ERBB4: variants seen among roughly 807,000 people sequenced by gnomAD.
ERBB4 encodes the protein receptor tyrosine-protein kinase erbB-4.
A neutral mutation model predicts 158.0 loss-of-function variants in ERBB4; 42 were observed. The observed-to-expected ratio is 0.27, with a 90% CI of 0.21 to 0.34. ERBB4 has a LOEUF of 0.34. Ranked by LOEUF, ERBB4 falls within the 10% of genes least tolerant of loss-of-function variation. ERBB4 has a pLI of 1.00. For synonymous variants in ERBB4, 583 were observed against 558.7 expected (o/e 1.04, Z -0.61); for missense variants, 1,333 against 1,624.1 (o/e 0.82, Z 3.08).
At chr2:212,069,592 T>G (rs943500370) in intron 2 of ERBB4, among the ~76,000 whole-genome samples, 7 of 152,040 alleles carry the variant, frequency 4.6e-5, no homozygotes, top group Admixed American at 3.9e-4. Context: ...TTAAAAGGTG[T>G]TCGGTTTAAA....
intron 1 of ERBB4, among the ~76,000 whole-genome samples, chr2:212,314,234 T>G (rs1251532559): frequency 6.6e-6 from 1 of 151,150 alleles, no homozygotes; most frequent in Non-Finnish European, 1.5e-5. Flanking sequence ...GTTTTTAAGT[T>G]TGTATGAGTA....
intron 20 of ERBB4, among the ~76,000 whole-genome samples, chr2:211,511,028 AAAC>A (rs1286873563): frequency 6.6e-6 from 1 of 152,028 alleles, no homozygotes; most frequent in Non-Finnish European, 1.5e-5. Context: ...GATTATGAAA[AAAC>A]AACAACCAAA....
chr2:212,019,758 T>TAAAA (rs368132533), intron 2 of ERBB4, among the ~76,000 whole-genome samples: 43 of 106,254 alleles, frequency 4.0e-4, no homozygotes, highest in Non-Finnish European at 6.1e-4. Flanking sequence ...CAACATTCTG[T>TAAAA]AAAAAAAAAA....
chr2:212,071,476 T>C (rs1575595638), intron 2 of ERBB4, among the ~76,000 whole-genome samples: 2 of 152,072 alleles, frequency 1.3e-5, no homozygotes, highest in East Asian at 3.9e-4. Flanking sequence ...CCTAAGGTTT[T>C]TCAAGAATAT....
At chr2:211,472,811 A>G (rs2064860244) in intron 20 of ERBB4, among the ~76,000 whole-genome samples, 1 of 152,120 alleles carries the variant, frequency 6.6e-6, no homozygotes, top group South Asian at 2.1e-4. Context: ...TACGGAAATT[A>G]AAGCACAGAT....
At chr2:212,249,693 A>C (rs2084456893) in intron 1 of ERBB4, among the ~76,000 whole-genome samples, 1 of 152,068 alleles carries the variant, frequency 6.6e-6, no homozygotes, top group Non-Finnish European at 1.5e-5. Flanking sequence ...ACAACTTAAC[A>C]GCTTTCTCTA....
At chr2:212,373,688 T>TATATATATATCCATATATATATCC (rs2090161340) in intron 1 of ERBB4, among the ~76,000 whole-genome samples, 1 of 148,142 alleles carries the variant, frequency 6.8e-6, no homozygotes, top group African/African-American at 2.5e-5. Context: ...CCAATGGAGA[T>TATATATATATCCATATATATATCC]ACATATATAT....
At chr2:211,639,385 C>A (rs2070484819) in intron 16 of ERBB4, among the ~76,000 whole-genome samples, 1 of 152,108 alleles carries the variant, frequency 6.6e-6, no homozygotes, top group South Asian at 2.1e-4. Context: ...ACTTCAGTTA[C>A]ATTAGGTACC....
chr2:212,332,737 T>C (rs2088238728), intron 1 of ERBB4, among the ~76,000 whole-genome samples: 1 of 152,098 alleles, frequency 6.6e-6, no homozygotes, highest in Non-Finnish European at 1.5e-5. Context: ...GTGGTCTTTT[T>C]AATCTCGAAA....
chr2:211,698,931 T>C (rs1453823687), intron 12 of ERBB4, among the ~76,000 whole-genome samples: 7 of 152,198 alleles, frequency 4.6e-5, no homozygotes, highest in Non-Finnish European at 8.8e-5. Flanking sequence ...TTTCCCGCAA[T>C]CTCAATCTCT....
At chr2:211,484,917 A>G (rs766482180) in intron 20 of ERBB4, among the ~76,000 whole-genome samples, 2 of 152,220 alleles carry the variant, frequency 1.3e-5, no homozygotes, top group Non-Finnish European at 2.9e-5. Flanking sequence ...CAAGTTGAAC[A>G]GTCCAGCAGT....
chr2:212,397,898 T>G (rs2091077207), intron 1 of ERBB4, among the ~76,000 whole-genome samples: 1 of 152,114 alleles, frequency 6.6e-6, no homozygotes, highest in Non-Finnish European at 1.5e-5. Context: ...AGTGTTGTTT[T>G]AAAATGGGAG....
intron 1 of ERBB4, among the ~76,000 whole-genome samples, chr2:212,246,447 T>C (rs2084313965): frequency 6.6e-6 from 1 of 152,220 alleles, no homozygotes; most frequent in African/African-American, 2.4e-5. Flanking sequence ...ATTCCATTTA[T>C]TTATTCAACA....
At chr2:212,109,831 C>T (rs79821997) in intron 2 of ERBB4, among the ~76,000 whole-genome samples, 2,386 of 152,224 alleles carry the variant, frequency 0.016, 56 homozygotes, top group African/African-American at 0.054. Flanking sequence ...TTTGTTGTGA[C>T]GTTTCCCTTT....
intron 3 of ERBB4, among the ~76,000 whole-genome samples, chr2:211,938,936 T>G (rs1030359228): frequency 2.0e-5 from 3 of 152,192 alleles, no homozygotes; most frequent in Non-Finnish European, 2.9e-5. Context: ...GATAAGAGTT[T>G]AGCAAGCAAG....
chr2:211,710,318 T>C (rs2073646180), intron 9 of ERBB4, among the ~76,000 whole-genome samples: 1 of 150,964 alleles, frequency 6.6e-6, no homozygotes, highest in African/African-American at 2.5e-5. Context: ...CTCTATCTTC[T>C]TATTTCTCAG....
At position 211,586,523 on chromosome 2, in the gene ERBB4, C is replaced by G. The variant is rs113068384; in HGVS notation, c.2302-24435G>C. On this transcript the variant is annotated intron_variant, in intron 19 of 27. Transcript: ENST00000342788. The stretch of plus-strand genomic sequence containing the variant: ...CCTGCCATATCTTGTAGTGGGAAAC[C>G]CTTTTCTTTTCTTGCCAGAATACTT... 6.2e-4 allele frequency among the ~76,000 whole-genome samples: 95 copies of G among 152,126 alleles called. 2 individuals are homozygous for G. Among genetic ancestry groups the G allele is most frequent in the African/African-American group, 2.3e-3 (94 of 41,520 alleles).
chr2:211,721,812 A>G (rs146856075), intron 7 of ERBB4, among the ~76,000 whole-genome samples: 188 of 152,202 alleles, frequency 1.2e-3, no homozygotes, highest in Non-Finnish European at 2.3e-3. Flanking sequence ...TTGGAGAAAC[A>G]GTATGATAGG....
chr2:212,450,249 G>A (rs1235418427), intron 1 of ERBB4, among the ~76,000 whole-genome samples: 2 of 152,116 alleles, frequency 1.3e-5, no homozygotes, highest in African/African-American at 2.4e-5. Flanking sequence ...TCTCCAAAAT[G>A]GGCACACCTC....
Sources: gnomAD v4.1 joint callset for allele counts (sites outside exome capture counted in the v4.1 genomes callset) on GRCh38, gnomAD v4.1.1 for gene constraint, MANE v1.5 for transcripts, NCBI Gene and HGNC (gene_info 2026-07-23, HGNC 2026-07-21) for gene names.